Variants in KCND2 observed in about 807,000 individuals in gnomAD.
The protein encoded by KCND2 is potassium voltage-gated channel subfamily D member 2, also known as A-type voltage-gated potassium channel KCND2.
KCND2 carries 16 observed loss-of-function variants against 54.4 expected under a neutral mutation model. The ratio of observed to expected loss-of-function variants is 0.29; its 90% CI spans 0.20 to 0.45. KCND2 has a LOEUF of 0.45. KCND2 is among the 20% of genes least tolerant of loss of function. The pLI, the probability that KCND2 is intolerant of heterozygous loss-of-function variation, is 1.00. For synonymous variants in KCND2, 317 were observed against 310.7 expected, an observed-to-expected ratio of 1.02 and a Z score of -0.21; for missense variants, 486 against 824.2, an observed-to-expected ratio of 0.59 and a Z score of 5.02.
intron 1 of KCND2, among the ~76,000 whole-genome samples, chr7:120,473,176 G>T (rs1381456751): frequency 1.3e-5 from 2 of 152,214 alleles, no homozygotes; most frequent in African/African-American, 4.8e-5. Flanking sequence ...GCATGTGAGA[G>T]ACGAGGGTGG....
intron 1 of KCND2, among the ~76,000 whole-genome samples, chr7:120,656,742 G>A (rs1476450279): frequency 1.3e-5 from 2 of 152,170 alleles, no homozygotes; most frequent in African/African-American, 4.8e-5. Flanking sequence ...GGCTAAGCAG[G>A]AATGTTTTTC....
At chr7:120,605,802 A>G (rs1435470092) in intron 1 of KCND2, among the ~76,000 whole-genome samples, 1 of 152,142 alleles carries the variant, frequency 6.6e-6, no homozygotes, top group African/African-American at 2.4e-5. Flanking sequence ...TTTGATATTC[A>G]TTGTCCTTAT....
intron 1 of KCND2, among the ~76,000 whole-genome samples, chr7:120,352,629 T>G (rs1800431745): frequency 6.6e-6 from 1 of 152,056 alleles, no homozygotes; most frequent in African/African-American, 2.4e-5. Flanking sequence ...TTTTAAAAAG[T>G]GAGCTTAGAA....
chr7:120,729,129 C>T (rs1792773563), intron 1 of KCND2, among the ~76,000 whole-genome samples: 1 of 152,114 alleles, frequency 6.6e-6, no homozygotes, highest in African/African-American at 2.4e-5. Flanking sequence ...TTTTGTTAAA[C>T]AAAGAAAAGC....
At chr7:120,598,137 A>G (rs1307653328) in intron 1 of KCND2, among the ~76,000 whole-genome samples, 1 of 152,078 alleles carries the variant, frequency 6.6e-6, no homozygotes, top group African/African-American at 2.4e-5. Flanking sequence ...AGAACAATTA[A>G]TTGTTCCACT....
At chr7:120,625,467 G>A (rs759304133) in intron 1 of KCND2, among the ~76,000 whole-genome samples, 11 of 152,036 alleles carry the variant, frequency 7.2e-5, no homozygotes, top group East Asian at 1.9e-4. Context: ...CATATGTTGC[G>A]GTGTTTTATG....
intron 1 of KCND2, among the ~76,000 whole-genome samples, chr7:120,619,589 T>C (rs1254617584): frequency 6.6e-6 from 1 of 152,214 alleles, no homozygotes. Context: ...GCTACTTCAG[T>C]AGGTAAAAGG....
rs368783057 is a variant in KCND2, at chr7:120,733,069, C to T, written c.1278+4C>T. 723 of 1,612,992 alleles carry T rather than the reference C, an allele frequency of 4.5e-4. No homozygotes were observed. The highest frequency in any genetic ancestry group is 1.0e-3 in the East Asian group (47 of 44,800). On this transcript the variant is annotated splice_donor_region_variant and intron_variant, in intron 2 of 5. Coordinates refer to ENST00000331113, the MANE Select transcript of KCND2 (RefSeq NM_012281.3). ...AGACAAACGAAGGGCACAAAAGGTG[C>T]GTATTCAACTCCGTGCAACCATGGT...
At chr7:120,364,659 T>C (rs951937799) in intron 1 of KCND2, among the ~76,000 whole-genome samples, 2 of 152,026 alleles carry the variant, frequency 1.3e-5, no homozygotes, top group Admixed American at 1.3e-4. Flanking sequence ...ACAGACATTA[T>C]CTAAGAGGAA....
In KCND2 at chr7:120,630,000, A is replaced by T. The variant is rs59121569; in HGVS notation, c.1116-102903A>T. Among the ~76,000 whole-genome samples the T allele has an allele frequency of 8.5e-5, 13 of 152,276 alleles. No individual in the cohort carries two copies. In the East Asian group the frequency reaches 2.3e-3, roughly 27 times the overall value. On this transcript the variant is annotated intron_variant, in intron 1 of 5. Coordinates refer to ENST00000331113, the MANE Select transcript of KCND2 (RefSeq NM_012281.3). The stretch of plus-strand genomic sequence containing the variant: ...GGAAGAAATTGAGGCTGGAGTTATT[A>T]ACCGGGGAGTCAATGGTGTAGATAT...
intron 1 of KCND2, among the ~76,000 whole-genome samples, chr7:120,457,180 C>A (rs914497612): frequency 1.1e-4 from 17 of 152,120 alleles, no homozygotes; most frequent in African/African-American, 3.9e-4. Flanking sequence ...TCCTCCTAGG[C>A]CTCTGGGTCT....
chr7:120,719,975 G>T (rs1792647293), intron 1 of KCND2, among the ~76,000 whole-genome samples: 1 of 152,088 alleles, frequency 6.6e-6, no homozygotes, highest in South Asian at 2.1e-4. Context: ...TTTCATACAA[G>T]TAGAACATTT....
At chr7:120,619,677 G>A (rs953458887) in intron 1 of KCND2, among the ~76,000 whole-genome samples, 1 of 152,158 alleles carries the variant, frequency 6.6e-6, no homozygotes, top group Non-Finnish European at 1.5e-5. Context: ...TTTTGTGCAT[G>A]CAAACTTAGA....
intron 1 of KCND2, among the ~76,000 whole-genome samples, chr7:120,468,733 A>T (rs550442926): frequency 6.6e-6 from 1 of 152,206 alleles, no homozygotes; most frequent in Non-Finnish European, 1.5e-5. Context: ...GCTGTTTTGT[A>T]TGGAATGAGA....
At chr7:120,451,829 A>C (rs1345545509) in intron 1 of KCND2, among the ~76,000 whole-genome samples, 1 of 152,216 alleles carries the variant, frequency 6.6e-6, no homozygotes, top group African/African-American at 2.4e-5. Flanking sequence ...CTCCAGTGTC[A>C]CTGAAAATTC....
At chr7:120,482,651 A>C (rs895845831) in intron 1 of KCND2, among the ~76,000 whole-genome samples, 2 of 152,150 alleles carry the variant, frequency 1.3e-5, no homozygotes, top group African/African-American at 4.8e-5. Flanking sequence ...GAGAGCTCTC[A>C]TGCGCTTGCT....
chr7:120,495,034 G>C (rs928429431), intron 1 of KCND2, among the ~76,000 whole-genome samples: 2 of 152,130 alleles, frequency 1.3e-5, no homozygotes, highest in Non-Finnish European at 2.9e-5. Flanking sequence ...TTTAAATTCA[G>C]CTTCTTTCTA....
At chr7:120,304,508 A>C (rs1335166863) in intron 1 of KCND2, among the ~76,000 whole-genome samples, 1 of 152,154 alleles carries the variant, frequency 6.6e-6, no homozygotes, top group African/African-American at 2.4e-5. Context: ...CTTGTTAGAA[A>C]TGCTTACTAA....
chr7:120,704,972 G>A (rs1792447773), intron 1 of KCND2, among the ~76,000 whole-genome samples: 1 of 152,064 alleles, frequency 6.6e-6, no homozygotes, highest in Admixed American at 6.6e-5. Context: ...AGAATAAAAA[G>A]TAAACCCTTT....
Sources: allele counts gnomAD v4.1 joint callset (sites outside exome capture counted in the v4.1 genomes callset), GRCh38; gene constraint gnomAD v4.1.1; transcripts MANE v1.5; gene names NCBI Gene and HGNC (gene_info 2026-07-23, HGNC 2026-07-21).